The following PTK6 variants were observed in gnomAD, a reference collection of about 807,000 sequenced individuals.
PTK6 encodes protein tyrosine kinase 6.
Under a neutral mutation model 47.5 loss-of-function variants are expected in PTK6, and 47 were observed. The observed-to-expected ratio is 0.99, with a 90% CI of 0.78 to 1.26. PTK6 has a LOEUF of 1.26. PTK6 is among the 50% of genes most tolerant of loss of function. PTK6 has a pLI of 0.00. For missense variants in PTK6, 618 were observed against 625.3 expected (o/e 0.99, Z 0.12); for synonymous variants, 287 against 276.5 (o/e 1.04, Z -0.38).
chr20:63,532,395 G>C, intron 5 of PTK6, 131 bp downstream of exon 5: 1 of 1,188,236 alleles, frequency 8.4e-7, no homozygotes, highest in Non-Finnish European at 1.2e-6. Context: ...CTGTGTCTGT[G>C]TGTGCATGTG....
At position 63,529,958 on chromosome 20, in the gene PTK6, C is replaced by T. The variant is rs1277056662; in HGVS notation, c.1168+120G>A. On this transcript the variant is annotated intron_variant, in intron 7 of 7. Transcript: ENST00000542869. The surrounding 1 kb of genome is among the most constrained non-coding windows in gnomAD (Gnocchi z 5.6). ...GAATGGTGCAGGTGTGGAGTTCAGG[C>T]GATGGCCCGCGGAGGGCCCTGAAGC... 7.7e-6 allele frequency: 10 copies of T among 1,298,628 alleles called. No homozygotes were observed. Among genetic ancestry groups the T allele is most frequent in the African/African-American group, 3.0e-5 (2 of 66,224 alleles). The allele number at this position is 1,298,628 out of a possible 1,614,324, so 80.4% of individuals were successfully genotyped here. A position where few individuals can be genotyped will look rare whatever the true frequency, so the allele number is the denominator to read the frequency against.
rs1341534402 is a variant in PTK6 at position 63,530,783 on chromosome 20, C to T, written c.977G>A (p.Cys326Tyr). 1.9e-6 allele frequency: 3 copies of T among 1,614,056 alleles called. No individual in the cohort carries two copies. In the Admixed American group the frequency reaches 5.0e-5, roughly 27 times the overall value. ...GGCTAACCCGAAGTCCCCAACTTTG[C>T]AGAGGGTGTTTTCCCCGACGAGGAT... ...RNILVGENTLCKVGDFGLARL... is the reference protein window; with the variant it reads ...RNILVGENTLYKVGDFGLARL... The change falls in exon 6 of 8, where the codon TGC (cysteine) becomes TAC (tyrosine). Residue 326 changes from cysteine (C) to tyrosine (Y), a missense_variant. Physicochemically the swap from Cys to Tyr is radical, Grantham distance 194. Transcript: ENST00000542869. This position sits in a 1 kb window ranked among gnomAD's most constrained non-coding sequence, Gnocchi z 4.1.
chr20:63,532,494 C>T (rs2082632848), intron 5 of PTK6, 32 bp downstream of exon 5: 1 of 1,585,360 alleles, frequency 6.3e-7, no homozygotes, highest in African/African-American at 1.3e-5. Flanking sequence ...CCCCCGCTGC[C>T]TCCAGCAAGA....
At position 63,537,213 on chromosome 20, in the gene PTK6, G is replaced by T; in HGVS notation, c.102C>A (p.Val34=). The T allele has an allele frequency of 6.2e-7, 1 of 1,612,374 alleles. No homozygotes were observed. The highest frequency in any genetic ancestry group is 8.5e-7 in the Non-Finnish European group (1 of 1,179,812). Residue 34 remains valine (V), a synonymous_variant, in exon 1 of 8, where the codon GTC becomes GTA. Transcript: ENST00000542869. ...GCTCCTCCTTCCTGGCCACGTGGAAGACGTCCCCCGCGCGGAAGCTCAGCT... is the reference window on the plus strand; with the variant it reads ...GCTCCTCCTTCCTGGCCACGTGGAATACGTCCCCCGCGCGGAAGCTCAGCT... The part of the protein sequence containing the change: ...DEELSFRAGD[V]FHVARKEEQW...
intron 1 of PTK6, 135 bp from the exon 2 acceptor site, chr20:63,535,194 C>G: frequency 7.8e-7 from 1 of 1,282,512 alleles, no homozygotes; most frequent in South Asian, 1.6e-5. Flanking sequence ...ACCACAGCTG[C>G]TCTCAGGAGC....
Position 63,532,650 on chromosome 20 carries a change from G to A in PTK6, c.708C>T (p.Ile236=), listed in dbSNP as rs767489779. ...LLHQQMLQSE[I]QAMKKLRHKH... ...TGTGCCGCAGCTTCTTCATGGCCTG[G>A]ATCTCCGACTGCAGCATCTGCTGGT... Residue 236 remains isoleucine (I), a synonymous_variant, in exon 5 of 8, where the codon ATC becomes ATT. Coordinates refer to ENST00000542869, the MANE Select transcript of PTK6 (RefSeq NM_005975.4). 1 of 1,614,122 alleles carries A rather than the reference G, an allele frequency of 6.2e-7. No individual in the cohort carries two copies. Among genetic ancestry groups the A allele is most frequent in the East Asian group, 2.2e-5 (1 of 44,892 alleles).
Position 63,534,202 on chromosome 20 carries a change from T to C in PTK6, c.466A>G (p.Arg156Gly). ...LSLPELVNYH[R>G]AQSLSHGLRL... ...AGGCCGTGGGACAGGCTCTGGGCCC[T>C]GTGGTAGTTCACAAGCTCGGGCAGG... The change falls in exon 3 of 8, where the codon AGG becomes GGG. Residue 156 changes from arginine (R) to glycine (G), a missense_variant. Transcript: ENST00000542869. 1 of 1,581,812 alleles carries C rather than the reference T, an allele frequency of 6.3e-7. No homozygotes were observed. Among genetic ancestry groups the C allele is most frequent in the Non-Finnish European group, 8.6e-7 (1 of 1,165,116 alleles).
chr20:63,536,961 G>T (rs2082674307), intron 1 of PTK6, 124 bp downstream of exon 1: 3 of 1,034,710 alleles, frequency 2.9e-6, no homozygotes, highest in African/African-American at 1.6e-5. Context: ...GGACTTTGGG[G>T]TGCAGGAAGA....
intron 5 of PTK6, among the ~76,000 whole-genome samples, chr20:63,531,397 G>A (rs1250416646): frequency 3.1e-4 from 42 of 136,840 alleles, no homozygotes; most frequent in Admixed American, 5.3e-4. Flanking sequence ...CTCCAGCCTG[G>A]GCGACAGAGC....
At position 63,537,156 on chromosome 20, in the gene PTK6, C is replaced by T. The variant is rs761808416; in HGVS notation, c.159G>A (p.Ala53=). Residue 53 remains alanine (A), a synonymous_variant, in exon 1 of 8, where the codon GCG becomes GCA. Transcript: ENST00000542869. Reference sequence around the variant, plus strand: ...CATAGCCCTGGGCCACGGCCCCACCCGCCTCGTCCAGCAGCGTGGCCCACC... The same window carrying T: ...CATAGCCCTGGGCCACGGCCCCACCTGCCTCGTCCAGCAGCGTGGCCCACC... ...QWWWATLLDE[A]GGAVAQGYVP... The T allele has an allele frequency of 7.7e-5, 124 of 1,611,836 alleles. 1 individual carries two copies. The Middle Eastern group carries it at 7.3e-3, about 94-fold the overall frequency.
Position 63,537,149 on chromosome 20 carries a change from C to A in PTK6, c.166G>T (p.Ala56Ser). The A allele has an allele frequency of 6.2e-7, 1 of 1,611,226 alleles. No homozygotes were observed. The highest frequency in any genetic ancestry group is 8.5e-7 in the Non-Finnish European group (1 of 1,179,468). The change falls in exon 1 of 8, where the codon GCC (alanine) becomes TCC (serine). Residue 56 changes from alanine to serine, a missense_variant. Coordinates refer to ENST00000542869, the MANE Select transcript of PTK6 (RefSeq NM_005975.4). The part of the protein sequence containing the change: ...WATLLDEAGG[A>S]VAQGYVPHNY... ...TGGGGCACATAGCCCTGGGCCACGG[C>A]CCCACCCGCCTCGTCCAGCAGCGTG...
At position 63,533,676 on chromosome 20, in the gene PTK6, T is replaced by C; in HGVS notation, c.545A>G (p.Asp182Gly). The C allele has an allele frequency of 1.2e-6, 2 of 1,613,358 alleles. No individual in the cohort carries two copies. Among genetic ancestry groups the C allele is most frequent in the Non-Finnish European group, 1.7e-6 (2 of 1,179,788 alleles). The change falls in exon 4 of 8, where the codon GAT becomes GGT. Residue 182 changes from aspartate to glycine, a missense_variant. Physicochemically the swap from Asp to Gly is moderately conservative, Grantham distance 94 (BLOSUM62 -1). Coordinates refer to ENST00000542869, the MANE Select transcript of PTK6 (RefSeq NM_005975.4). This position sits in a 1 kb window ranked among gnomAD's most constrained non-coding sequence, Gnocchi z 4.0. Reference sequence around the variant, plus strand: ...CTCCTCCCTCGGCCTCTCCCAGTCATCCCAATGGGGCAGGGGCTCAGGCTC... The same window carrying C: ...CTCCTCCCTCGGCCTCTCCCAGTCACCCCAATGGGGCAGGGGCTCAGGCTC... ...KHEPEPLPHWDDWERPREEFT... is the reference protein window; with the variant it reads ...KHEPEPLPHWGDWERPREEFT...
At chr20:63,536,679 G>T (rs1054424284) in intron 1 of PTK6, among the ~76,000 whole-genome samples, 1 of 152,160 alleles carries the variant, frequency 6.6e-6, no homozygotes, top group Non-Finnish European at 1.5e-5. Context: ...TGGAAACTGG[G>T]CAAGCTTCAA....
Position 63,533,808 on chromosome 20 carries a change from G to C in PTK6, c.517-104C>G, listed in dbSNP as rs556912157. On this transcript the variant is annotated intron_variant, in intron 3 of 7. Coordinates refer to ENST00000542869, the MANE Select transcript of PTK6 (RefSeq NM_005975.4). This position sits in a 1 kb window ranked among gnomAD's most constrained non-coding sequence, Gnocchi z 4.0. Reference sequence around the variant, plus strand: ...GATTTAGCCTCAGATTTAGGGCCACGATCAGCCTGGGTTGGGGGTTTCTGA... The same window carrying C: ...GATTTAGCCTCAGATTTAGGGCCACCATCAGCCTGGGTTGGGGGTTTCTGA... The C allele has an allele frequency of 2.5e-3, 3,641 of 1,453,606 alleles. 7 individuals are homozygous for C. The highest frequency in any genetic ancestry group is 2.9e-3 in the Non-Finnish European group (3,167 of 1,086,726). 90.0% of individuals were successfully genotyped at this position (1,453,606 alleles called of 1,614,324 possible). A position where few individuals can be genotyped will look rare whatever the true frequency, so the allele number is the denominator to read the frequency against.
At chr20:63,534,021 C>T (rs1300051867) in intron 3 of PTK6, 131 bp downstream of exon 3, 2 of 1,275,938 alleles carry the variant, frequency 1.6e-6, no homozygotes, top group East Asian at 5.1e-5. Flanking sequence ...CATGGGCTTC[C>T]CTCCAGTGGG....
rs2082593563 is a variant in PTK6, at chr20:63,528,573, C to G, written c.*963G>C. 1 of 151,914 alleles carries G rather than the reference C, an allele frequency of 6.6e-6. No homozygotes were observed. Among genetic ancestry groups the G allele is most frequent in the Non-Finnish European group, 1.5e-5 (1 of 67,986 alleles). 9.4% of individuals were successfully genotyped at this position (151,914 alleles called of 1,614,324 possible). On this transcript the variant is annotated 3_prime_UTR_variant, in exon 8 of 8. Coordinates refer to ENST00000542869, the MANE Select transcript of PTK6 (RefSeq NM_005975.4). Reference sequence around the variant, plus strand: ...AGGCGCCCACCCCCACCACCACACCCAGCTAATTTTTTGTATTTTTTAGTA... The same window carrying G: ...AGGCGCCCACCCCCACCACCACACCGAGCTAATTTTTTGTATTTTTTAGTA...
chr20:63,531,420 C>CAAAAA lies in PTK6; in HGVS notation c.833-498_833-494dup, dbSNP rs1157854507. On this transcript the variant is annotated intron_variant, in intron 5 of 7. Transcript: ENST00000542869. ...TGGGCGACAGAGCCAGACTCCGTCT[C>CAAAAA]AAAAAAAAAAAAAAAAAATATATAT... Among the ~76,000 whole-genome samples, 3 of 45,784 alleles carry CAAAAA rather than the reference C, an allele frequency of 6.6e-5. 1 individual carries two copies. In the South Asian group the frequency reaches 4.4e-3, roughly 67 times the overall value. The allele number at this position is 45,784 out of a possible 152,430, so 30.0% of individuals were successfully genotyped here.
In PTK6 at chr20:63,529,607, C is replaced by CG; in HGVS notation, c.1284dup (p.Glu429ArgfsTer36). On this transcript the variant is annotated frameshift_variant, in exon 8 of 8. Coordinates refer to ENST00000542869, the MANE Select transcript of PTK6 (RefSeq NM_005975.4). LOFTEE classifies it low-confidence loss of function (END_TRUNC). The surrounding 1 kb of genome is among the most constrained non-coding windows in gnomAD (Gnocchi z 5.6). ...AGGGCCTTGAAGCAGGGTCTCTGCTCGGGGTCCCTGCACCAGCATGTCAGC... is the reference window on the plus strand; with the variant it reads ...AGGGCCTTGAAGCAGGGTCTCTGCTCGGGGGTCCCTGCACCAGCATGTCAGC... The CG allele has an allele frequency of 1.3e-6, 2 of 1,561,304 alleles. No homozygotes were observed. The highest frequency in any genetic ancestry group is 1.7e-6 in the Non-Finnish European group (2 of 1,153,138).
At chr20:63,532,785 C>G (rs1160779306) in intron 4 of PTK6, 98 bp from the exon 5 acceptor site, 19 of 1,464,358 alleles carry the variant, frequency 1.3e-5, no homozygotes, top group Non-Finnish European at 1.7e-5. Context: ...GCCATCACAC[C>G]CAGCAGCTGT....
Sources: allele counts gnomAD v4.1 joint callset (sites outside exome capture counted in the v4.1 genomes callset), GRCh38; gene constraint gnomAD v4.1.1; non-coding constraint Gnocchi (gnomAD v3.1); transcripts MANE v1.5; gene names NCBI Gene and HGNC (gene_info 2026-07-23, HGNC 2026-07-21).